TMEM181: variants seen among roughly 807,000 people sequenced by gnomAD.
TMEM181 encodes the protein transmembrane protein 181.
A neutral mutation model predicts 71.9 loss-of-function variants in TMEM181; 39 were observed. That is an observed-to-expected ratio of 0.54 (90% confidence interval 0.42 to 0.71). The LOEUF (loss-of-function observed/expected upper bound fraction) is 0.71, where lower values mean the gene tolerates loss of function less well. TMEM181 is among the 30% of genes least tolerant of loss of function. TMEM181 has a pLI of 0.00. For synonymous variants in TMEM181, 245 were observed against 228.8 expected (o/e 1.07, Z -0.64); for missense variants, 595 against 583.0 (o/e 1.02, Z -0.21).
At position 158,560,943 on chromosome 6, in the gene TMEM181, G is replaced by A. The variant is rs143351241; in HGVS notation, c.8+711G>A. Among the ~76,000 whole-genome samples, 158 of 152,230 alleles carry A rather than the reference G, an allele frequency of 1.0e-3. 1 individual carries two copies. The East Asian group carries it at 0.028, about 27-fold the overall frequency. Reference sequence around the variant, plus strand: ...CAGTCGCCTAGGTGTCCCCCTGGGCGCATCTGGAAAAGAAGGAGACGGAGT... The same window carrying A: ...CAGTCGCCTAGGTGTCCCCCTGGGCACATCTGGAAAAGAAGGAGACGGAGT... On this transcript the variant is annotated intron_variant, in intron 1 of 16. Coordinates refer to ENST00000684151, the MANE Select transcript of TMEM181 (RefSeq NM_001376852.1).
rs186918241 is a variant in TMEM181 at position 158,632,737 on chromosome 6, G to A, written c.*849G>A. On this transcript the variant is annotated 3_prime_UTR_variant, in exon 17 of 17. Coordinates refer to ENST00000684151, the MANE Select transcript of TMEM181 (RefSeq NM_001376852.1). Reference sequence around the variant, plus strand: ...CAGTTTCTGCAATTCTGTTGAATATGAAATGCCATAGAGCTTTATTTATTT... The same window carrying A: ...CAGTTTCTGCAATTCTGTTGAATATAAAATGCCATAGAGCTTTATTTATTT... 15 of 152,368 alleles carry A rather than the reference G, an allele frequency of 9.8e-5. No individual in the cohort carries two copies. The highest frequency in any genetic ancestry group is 3.6e-4 in the African/African-American group (15 of 41,584). 9.4% of individuals were successfully genotyped at this position (152,368 alleles called of 1,614,324 possible).
chr6:158,578,353 A>G (rs889049421), intron 2 of TMEM181, among the ~76,000 whole-genome samples: 10 of 152,200 alleles, frequency 6.6e-5, no homozygotes, highest in Non-Finnish European at 1.5e-4. Context: ...ACAATGGTGT[A>G]TAACTCCATT....
intron 1 of TMEM181, chr6:158,536,924 C>T (rs1582903329): frequency 8.3e-7 from 1 of 1,203,966 alleles, no homozygotes; most frequent in East Asian, 3.3e-5. Flanking sequence ...CAGTCCCCTC[C>T]GGGACCCCGG....
chr6:158,602,469 T>TA (rs1427101448), intron 6 of TMEM181, among the ~76,000 whole-genome samples: 2 of 152,246 alleles, frequency 1.3e-5, no homozygotes, highest in African/African-American at 4.8e-5. Flanking sequence ...GTGGTTGTGT[T>TA]ACTTTATGTT....
chr6:158,547,682 C>G (rs904001508), intron 1 of TMEM181, among the ~76,000 whole-genome samples: 3 of 151,966 alleles, frequency 2.0e-5, no homozygotes, highest in African/African-American at 7.3e-5. Context: ...CCTTCTCCAC[C>G]TCTTTGCACT....
At position 158,620,084 on chromosome 6, in the gene TMEM181, TA is replaced by T. The variant is rs1163217455; in HGVS notation, c.897-3460del. ...GTATTGGGACCAGGCCATATTGCAA[TA>T]AAAAACTAAACACTTTGGCTTTAGG... is the stretch of plus-strand genomic sequence containing the variant. On this transcript the variant is annotated intron_variant, in intron 10 of 16. Coordinates refer to ENST00000684151, the MANE Select transcript of TMEM181 (RefSeq NM_001376852.1). This position sits in a 1 kb window ranked among gnomAD's most constrained non-coding sequence, Gnocchi z 4.5. 6.6e-6 allele frequency among the ~76,000 whole-genome samples: 1 copy of T among 152,006 alleles called. No individual in the cohort carries two copies. Among genetic ancestry groups the T allele is most frequent in the Non-Finnish European group, 1.5e-5 (1 of 67,996 alleles).
chr6:158,543,096 C>A (rs994696253), intron 1 of TMEM181, among the ~76,000 whole-genome samples: 1 of 151,878 alleles, frequency 6.6e-6, no homozygotes, highest in Non-Finnish European at 1.5e-5. Context: ...AGGATAGTTT[C>A]GATCTCCTGA....
At chr6:158,628,231 T>C (rs1417185527) in intron 13 of TMEM181, 177 bp from the exon 14 acceptor site, 1 of 709,018 alleles carries the variant, frequency 1.4e-6, no homozygotes, top group Non-Finnish European at 2.5e-6. Flanking sequence ...GCAGGGGCTG[T>C]GTGTGTGTGT....
At position 158,584,005 on chromosome 6, in the gene TMEM181, C is replaced by CATTGTATG; in HGVS notation, c.220_221insATTGTATG (p.Leu74HisfsTer6). 6.2e-7 allele frequency: 1 copy of CATTGTATG among 1,611,750 alleles called. No homozygotes were observed. The highest frequency in any genetic ancestry group is 8.5e-7 in the Non-Finnish European group (1 of 1,178,832). On this transcript the variant is annotated frameshift_variant, in exon 4 of 17. Transcript: ENST00000684151. LOFTEE classifies it high-confidence loss of function. Reference sequence around the variant, plus strand: ...TCCACTGTCTACATACAATCAGCAACTATGGCTGACATGTGTTGTTGAGTT... The same window carrying CATTGTATG: ...TCCACTGTCTACATACAATCAGCAACATTGTATGTATGGCTGACATGTGTTGTTGAGTT...
chr6:158,592,255 T>G (rs1481790457), intron 6 of TMEM181, among the ~76,000 whole-genome samples: 1 of 152,214 alleles, frequency 6.6e-6, no homozygotes, highest in Non-Finnish European at 1.5e-5. Context: ...AATTTAGAAA[T>G]TCACGTGGCA....
At chr6:158,538,770 C>G (rs896471634) in intron 1 of TMEM181, among the ~76,000 whole-genome samples, 13 of 152,112 alleles carry the variant, frequency 8.5e-5, no homozygotes, top group Non-Finnish European at 1.3e-4. Flanking sequence ...AGGTGAGGCT[C>G]ATCTTGAAAG....
At chr6:158,594,812 T>C (rs949241543) in intron 6 of TMEM181, among the ~76,000 whole-genome samples, 1 of 152,140 alleles carries the variant, frequency 6.6e-6, no homozygotes, top group Non-Finnish European at 1.5e-5. Flanking sequence ...CTCAGCCTCC[T>C]GAGTAGCTGG....
At chr6:158,585,624 A>G (rs1400027100) in intron 5 of TMEM181, among the ~76,000 whole-genome samples, 199 bp downstream of exon 5, 2 of 152,258 alleles carry the variant, frequency 1.3e-5, no homozygotes, top group East Asian at 3.8e-4. Context: ...AAATTCTTAT[A>G]AACGTACACA....
intron 7 of TMEM181, among the ~76,000 whole-genome samples, chr6:158,606,206 G>A (rs935292854): frequency 1.4e-5 from 2 of 147,034 alleles, no homozygotes; most frequent in East Asian, 4.1e-4. Flanking sequence ...AGGGGCGTGG[G>A]CGCTAGAGCC....
chr6:158,556,058 A>G (rs992768588), upstream of TMEM181, among the ~76,000 whole-genome samples: 2 of 152,264 alleles, frequency 1.3e-5, no homozygotes, highest in African/African-American at 4.8e-5. Flanking sequence ...CAGAATGTCA[A>G]TTCTGCAGAA....
chr6:158,594,845 G>C (rs763459184), intron 6 of TMEM181, among the ~76,000 whole-genome samples: 13 of 152,116 alleles, frequency 8.5e-5, no homozygotes, highest in Non-Finnish European at 1.3e-4. Flanking sequence ...CCATCACCAT[G>C]CCCGGATACT....
Position 158,629,731 on chromosome 6 carries a change from A to C in TMEM181, c.1194A>C (p.Ser398=). The C allele has an allele frequency of 6.2e-7, 1 of 1,606,010 alleles. No individual in the cohort carries two copies. The highest frequency in any genetic ancestry group is 8.5e-7 in the Non-Finnish European group (1 of 1,175,560). Residue 398 remains serine (S), a splice_region_variant and synonymous_variant, in exon 15 of 17, where the codon TCA becomes TCC. Transcript: ENST00000684151. ...VAELSTHYQN[S]AEFLSFYGLL... is the part of the protein sequence containing the mutation. ...CGTTCCTTCCCTTGACAGCACCACC[A>C]GCCGAGTTCTTATCTTTCTATGGCC... is the stretch of plus-strand genomic sequence containing the variant.
At chr6:158,626,880 TCTCACACC>T (rs1386446886) in intron 13 of TMEM181, among the ~76,000 whole-genome samples, 1 of 137,324 alleles carries the variant, frequency 7.3e-6, no homozygotes, top group African/African-American at 2.8e-5. Context: ...ACTCTCACAC[TCTCACACC>T]CCCACACCTT....
rs1295133479 is a variant in TMEM181 at position 158,583,977 on chromosome 6, A to G, written c.192A>G (p.Ser64=). ...AGCTAAAGCCAATTCAAATACTTTC[A>G]AATCCACTGTCTACATACAATCAGC... ...SKKLKPIQIL[S]NPLSTYNQQL... The change falls in exon 4 of 17, where the codon TCA becomes TCG. Residue 64 remains serine (S), a synonymous_variant. Transcript: ENST00000684151. The G allele has an allele frequency of 2.5e-6, 4 of 1,608,168 alleles. No homozygotes were observed. The highest frequency in any genetic ancestry group is 1.7e-4 in the Middle Eastern group (1 of 6,044).
Sources: gnomAD v4.1 joint callset for allele counts (sites outside exome capture counted in the v4.1 genomes callset) on GRCh38, gnomAD v4.1.1 for gene constraint, Gnocchi (gnomAD v3.1) non-coding constraint, MANE v1.5 for transcripts, NCBI Gene and HGNC (gene_info 2026-07-23, HGNC 2026-07-21) for gene names.